Variants in ADAM12 observed in about 807,000 individuals in gnomAD.
ADAM12 encodes disintegrin and metalloproteinase domain-containing protein 12.
In ADAM12, 70 loss-of-function variants were observed where a neutral mutation model predicts 106.4. The observed-to-expected ratio is 0.66, with a 90% confidence interval of 0.54 to 0.80. The LOEUF (loss-of-function observed/expected upper bound fraction) is 0.80. ADAM12 is among the 30% of genes least tolerant of loss of function. ADAM12 has a pLI of 0.00. For synonymous variants in ADAM12, 420 were observed against 433.5 expected, an observed-to-expected ratio of 0.97 and a Z score of 0.39; for missense variants, 1,010 against 1,171.9, an observed-to-expected ratio of 0.86 and a Z score of 2.02.
At chr10:126,039,504 T>C in intron 18 of ADAM12, 75 bp from the exon 19 acceptor site, 1 of 1,574,506 alleles carries the variant, frequency 6.4e-7, no homozygotes, top group Non-Finnish European at 8.7e-7. Flanking sequence ...TTGTGACGTT[T>C]ATGGCAAAGT....
chr10:126,172,874 T>C (rs2133766443), intron 3 of ADAM12, among the ~76,000 whole-genome samples: 1 of 152,304 alleles, frequency 6.6e-6, no homozygotes, highest in South Asian at 2.1e-4. Flanking sequence ...CCATCAATGA[T>C]AGACTGGATA....
At chr10:126,315,634 C>G (rs1001700031) in intron 2 of ADAM12, among the ~76,000 whole-genome samples, 2 of 152,084 alleles carry the variant, frequency 1.3e-5, no homozygotes, top group African/African-American at 4.8e-5. Context: ...CTGAACCAGA[C>G]GAGGCTCAGT....
At chr10:126,229,854 T>C (rs927391862) in intron 3 of ADAM12, among the ~76,000 whole-genome samples, 8 of 152,184 alleles carry the variant, frequency 5.3e-5, no homozygotes, top group African/African-American at 1.9e-4. Context: ...CTTACTGATG[T>C]CATGCTTCTG....
chr10:126,211,590 G>A (rs1370806959), intron 3 of ADAM12, among the ~76,000 whole-genome samples: 1 of 151,962 alleles, frequency 6.6e-6, no homozygotes, highest in Non-Finnish European at 1.5e-5. Flanking sequence ...TGGATCATGT[G>A]ATCCTGGACC....
intron 2 of ADAM12, among the ~76,000 whole-genome samples, chr10:126,311,906 A>G (rs1251654905): frequency 6.6e-6 from 1 of 152,108 alleles, no homozygotes; most frequent in Non-Finnish European, 1.5e-5. Flanking sequence ...ATAGCAAATT[A>G]TTGAGCCTGA....
chr10:126,289,260 G>A (rs573324424), intron 2 of ADAM12, among the ~76,000 whole-genome samples: 4 of 152,206 alleles, frequency 2.6e-5, no homozygotes, highest in South Asian at 2.1e-4. Flanking sequence ...CTGCTGCCCC[G>A]TGCCCTCTCC....
Position 126,064,626 on chromosome 10 carries a change from T to G in ADAM12, c.1609+180A>C. 1 of 645,488 alleles carries G rather than the reference T, an allele frequency of 1.5e-6. No individual in the cohort carries two copies. The highest frequency in any genetic ancestry group is 2.6e-6 in the Non-Finnish European group (1 of 381,052). The allele number at this position is 645,488 out of a possible 1,614,324, so 40.0% of individuals were successfully genotyped here. Reference sequence around the variant, plus strand: ...GCAGTGTCCATTTCTGTGCACCCCATGCCCAGTGCGGCCTCAGACCCTCCC... The same window carrying G: ...GCAGTGTCCATTTCTGTGCACCCCAGGCCCAGTGCGGCCTCAGACCCTCCC... On this transcript the variant is annotated intron_variant, in intron 14 of 22. Coordinates refer to ENST00000448723, the MANE Select transcript of ADAM12 (RefSeq NM_001288973.2). The surrounding 1 kb of genome is among the most constrained non-coding windows in gnomAD (Gnocchi z 4.4).
At chr10:126,088,401 G>A (rs974684927) in intron 11 of ADAM12, among the ~76,000 whole-genome samples, 1 of 152,094 alleles carries the variant, frequency 6.6e-6, no homozygotes, top group Non-Finnish European at 1.5e-5. Flanking sequence ...CTTCTCTGAT[G>A]TCATTAGAGA....
At chr10:126,223,846 C>T (rs1435969240) in intron 3 of ADAM12, among the ~76,000 whole-genome samples, 1 of 152,182 alleles carries the variant, frequency 6.6e-6, no homozygotes, top group African/African-American at 2.4e-5. Flanking sequence ...CATGCCTGGA[C>T]CTGTGCTTTA....
At chr10:126,148,954 C>T (rs1431726944) in intron 4 of ADAM12, among the ~76,000 whole-genome samples, 2 of 152,146 alleles carry the variant, frequency 1.3e-5, no homozygotes, top group African/African-American at 2.4e-5. Flanking sequence ...AGGGGCAAGT[C>T]TCACCCACTA....
chr10:126,062,066 A>G (rs1380496853), intron 14 of ADAM12, among the ~76,000 whole-genome samples: 1 of 152,066 alleles, frequency 6.6e-6, no homozygotes, highest in Non-Finnish European at 1.5e-5. Flanking sequence ...TGCTCTCCCA[A>G]GGAAGTCTGT....
intron 3 of ADAM12, among the ~76,000 whole-genome samples, chr10:126,180,191 A>T (rs1291819748): frequency 6.6e-6 from 1 of 152,230 alleles, no homozygotes; most frequent in African/African-American, 2.4e-5. Context: ...AAATTTATAC[A>T]TGAAGATGAA....
chr10:126,321,904 T>TTG (rs371286030), intron 2 of ADAM12, among the ~76,000 whole-genome samples: 15 of 88,778 alleles, frequency 1.7e-4, no homozygotes, highest in African/African-American at 4.1e-4. Context: ...TACCTGGGGG[T>TTG]CGGGGGGGGG....
intron 1 of ADAM12, among the ~76,000 whole-genome samples, chr10:126,380,669 T>G (rs1453662986): frequency 2.0e-5 from 3 of 152,182 alleles, no homozygotes; most frequent in African/African-American, 7.2e-5. Flanking sequence ...ACCAAACATA[T>G]GAAGAAACAA....
intron 11 of ADAM12, among the ~76,000 whole-genome samples, chr10:126,079,159 T>C (rs1955161483): frequency 6.6e-6 from 1 of 152,228 alleles, no homozygotes; most frequent in East Asian, 1.9e-4. Flanking sequence ...ATTTGCTAAA[T>C]TGATGTTGAA....
intron 3 of ADAM12, among the ~76,000 whole-genome samples, chr10:126,196,875 CTT>C (rs372436613): frequency 6.6e-6 from 1 of 152,204 alleles, no homozygotes; most frequent in African/African-American, 2.4e-5. Flanking sequence ...TTGATTTTAA[CTT>C]TTCAAAAATG....
chr10:126,335,480 T>A (rs570433326), intron 1 of ADAM12, among the ~76,000 whole-genome samples: 1 of 152,300 alleles, frequency 6.6e-6, no homozygotes, highest in Non-Finnish European at 1.5e-5. Context: ...TTTTAGCCCC[T>A]AAATATCCGA....
intron 3 of ADAM12, among the ~76,000 whole-genome samples, chr10:126,219,784 T>C (rs1489439594): frequency 6.6e-6 from 1 of 152,216 alleles, no homozygotes; most frequent in Non-Finnish European, 1.5e-5. Context: ...ACATTTGTTT[T>C]TGGATAGACT....
chr10:126,346,395 T>C (rs1260046517), intron 1 of ADAM12, among the ~76,000 whole-genome samples: 1 of 152,246 alleles, frequency 6.6e-6, no homozygotes. Flanking sequence ...GATAGTTTGT[T>C]ATAACTTCTG....
Sources: gnomAD v4.1 joint callset for allele counts (sites outside exome capture counted in the v4.1 genomes callset) on GRCh38, gnomAD v4.1.1 for gene constraint, Gnocchi (gnomAD v3.1) non-coding constraint, MANE v1.5 for transcripts, NCBI Gene and HGNC (gene_info 2026-07-23, HGNC 2026-07-21) for gene names.